LIMK1: variants seen among roughly 807,000 people sequenced by gnomAD.
The protein encoded by LIMK1 is LIM domain kinase 1, also known as LIM motif-containing protein kinase.
A neutral mutation model predicts 77.6 loss-of-function variants in LIMK1; 21 were observed. That is an observed-to-expected ratio of 0.27 (90% CI 0.19 to 0.39). The LOEUF (loss-of-function observed/expected upper bound fraction) is 0.39. Ranked by LOEUF, LIMK1 falls within the 10% of genes least tolerant of loss-of-function variation. LIMK1 has a pLI of 1.00. For synonymous variants in LIMK1, 358 were observed against 370.0 expected (o/e 0.97, Z 0.37); for missense variants, 696 against 901.6 (o/e 0.77, Z 2.92).
rs149618 is a variant in LIMK1, at chr7:74,115,716, A to C, written c.1411-86A>C. The C allele has an allele frequency of 1.6e-5, 23 of 1,459,566 alleles. No individual in the cohort carries two copies. The African/African-American group carries it at 2.6e-4, about 17-fold the overall frequency. The allele number at this position is 1,459,566 out of a possible 1,614,324, so 90.4% of individuals were successfully genotyped here. On this transcript the variant is annotated intron_variant, in intron 12 of 15. Coordinates refer to ENST00000336180, the MANE Select transcript of LIMK1 (RefSeq NM_002314.4). Reference sequence around the variant, plus strand: ...GAGGTATGTTCTCTGGGCTGTCTACAGGTTGGCTTGGGGTCCTGGGGAGGG... The same window carrying C: ...GAGGTATGTTCTCTGGGCTGTCTACCGGTTGGCTTGGGGTCCTGGGGAGGG...
At chr7:74,087,836 C>T (rs900534412) in intron 2 of LIMK1, among the ~76,000 whole-genome samples, 8 of 152,208 alleles carry the variant, frequency 5.3e-5, no homozygotes, top group African/African-American at 1.4e-4. Flanking sequence ...GTGATCTGCC[C>T]GCCTCAGCCT....
chr7:74,112,259 A>G (rs910022858), intron 12 of LIMK1, among the ~76,000 whole-genome samples: 20 of 152,120 alleles, frequency 1.3e-4, no homozygotes, highest in Admixed American at 1.3e-3. Context: ...TCATAAATCA[A>G]TGAAGGAGAA....
intron 5 of LIMK1, among the ~76,000 whole-genome samples, chr7:74,103,224 C>G (rs1426866235): frequency 2.0e-5 from 3 of 150,780 alleles, no homozygotes; most frequent in Admixed American, 6.6e-5. Context: ...GTGTACAGGC[C>G]AGTCATTAAA....
rs1554700589 is a variant in LIMK1 at position 74,121,293 on chromosome 7, C to T, written c.1936C>T (p.Pro646Ser). Residue 646 changes from proline to serine, a missense_variant, in exon 16 of 16, where the codon CCC becomes TCC. Around this residue, in one of 3 missense-constraint regions of LIMK1, gnomAD observed 438 missense variants for 602.3 expected, o/e 0.73. Transcript: ENST00000336180. ...CGGACTGCCTGCCCACCCTGAGGTCCCCGACTGAGCCAGGGCCACTCAGCT... is the reference window on the plus strand; with the variant it reads ...CGGACTGCCTGCCCACCCTGAGGTCTCCGACTGAGCCAGGGCCACTCAGCT... ...ESGLPAHPEV[P>S]D The T allele has an allele frequency of 1.3e-6, 2 of 1,596,126 alleles. No homozygotes were observed. The highest frequency in any genetic ancestry group is 2.3e-5 in the East Asian group (1 of 44,212).
At chr7:74,103,249 CTTTTTTTT>C (rs1233300842) in intron 5 of LIMK1, among the ~76,000 whole-genome samples, 1 of 135,382 alleles carries the variant, frequency 7.4e-6, no homozygotes, top group African/African-American at 2.7e-5. Flanking sequence ...AATGTTTTTC[CTTTTTTTT>C]TTTTTTTTTT....
Position 74,106,211 on chromosome 7 carries a change from G to A in LIMK1, c.849G>A (p.Glu283=). 6.2e-7 allele frequency: 1 copy of A among 1,613,672 alleles called. No homozygotes were observed. The highest frequency in any genetic ancestry group is 8.5e-7 in the Non-Finnish European group (1 of 1,179,984). Residue 283 remains glutamate, a synonymous_variant, in exon 7 of 16, where the codon GAG becomes GAA. Transcript: ENST00000336180. ...CTCCGGCTTATACTCCCAGCGGGGAGGCGGGCAGCTCTGCCCGGCAGAAAC... is the reference window on the plus strand; with the variant it reads ...CTCCGGCTTATACTCCCAGCGGGGAAGCGGGCAGCTCTGCCCGGCAGAAAC... ...LSSPAYTPSG[E]AGSSARQKPV...
At chr7:74,106,544 T>G (rs1554697538) in intron 7 of LIMK1, among the ~76,000 whole-genome samples, 2 of 152,210 alleles carry the variant, frequency 1.3e-5, no homozygotes, top group Non-Finnish European at 2.9e-5. Flanking sequence ...GTGGATCACC[T>G]GAGGTCAGGA....
In LIMK1 at chr7:74,093,116, G is replaced by C. The variant is rs961651578; in HGVS notation, c.153-3506G>C. 1.2e-5 allele frequency: 17 copies of C among 1,427,940 alleles called. No homozygotes were observed. The South Asian group carries it at 1.8e-4, about 15-fold the overall frequency. The allele number at this position is 1,427,940 out of a possible 1,614,324, so 88.5% of individuals were successfully genotyped here. On this transcript the variant is annotated intron_variant, in intron 2 of 15. Transcript: ENST00000336180. Reference sequence around the variant, plus strand: ...ACCCACGCGGCTGCAGCCTCCTCCTGTGCGCTGCAGCCACGCTGGCCCCAC... The same window carrying C: ...ACCCACGCGGCTGCAGCCTCCTCCTCTGCGCTGCAGCCACGCTGGCCCCAC...
intron 2 of LIMK1, among the ~76,000 whole-genome samples, chr7:74,090,987 T>C (rs1242886392): frequency 6.6e-6 from 1 of 152,078 alleles, no homozygotes; most frequent in African/African-American, 2.4e-5. Flanking sequence ...AATCTCGGCT[T>C]ACTGCAAGCT....
At chr7:74,085,721 C>G (rs1554693948) in intron 1 of LIMK1, 27 bp from the exon 2 acceptor site, 1 of 1,541,780 alleles carries the variant, frequency 6.5e-7, no homozygotes, top group Non-Finnish European at 8.8e-7. Context: ...CCTGAGAATG[C>G]TTCCCAACTC....
Position 74,120,988 on chromosome 7 carries a change from A to G in LIMK1, c.1720A>G (p.Asn574Asp), listed in dbSNP as rs782676279. The change falls in exon 15 of 16, where the codon AAC (asparagine) becomes GAC (aspartate). Residue 574 changes from asparagine to aspartate, a missense_variant. By Grantham distance (23) the Asn-to-Asp change is conservative. This residue lies in a region of LIMK1 where 438 missense variants were observed against 602.3 expected (regional missense o/e 0.73). Transcript: ENST00000336180. ...RGFLDRYCPP[N>D]CPPSFFPITV... is the part of the protein sequence containing the mutation. ...ATTCCTGGACCGCTACTGCCCCCCA[A>G]ACTGCCCCCCGAGCTTCTTCCCCAT... 5 of 1,425,102 alleles carry G rather than the reference A, an allele frequency of 3.5e-6. No homozygotes were observed. The highest frequency in any genetic ancestry group is 1.9e-6 in the Non-Finnish European group (2 of 1,063,112). 88.3% of individuals were successfully genotyped at this position (1,425,102 alleles called of 1,614,324 possible). A position where few individuals can be genotyped will look rare whatever the true frequency, so the allele number is the denominator to read the frequency against.
chr7:74,111,800 G>A lies in LIMK1; in HGVS notation c.1344+93G>A, dbSNP rs1799704591. The A allele has an allele frequency of 2.6e-5, 37 of 1,441,226 alleles. No homozygotes were observed. The South Asian group carries it at 4.2e-4, about 16-fold the overall frequency. 89.3% of individuals were successfully genotyped at this position (1,441,226 alleles called of 1,614,324 possible). A position where few individuals can be genotyped will look rare whatever the true frequency, so the allele number is the denominator to read the frequency against. Reference sequence around the variant, plus strand: ...GAAGCTTTGAAAGAGGGCAGAGGGGGTCGATGGGAGAGTGGGAAGAATCGT... The same window carrying A: ...GAAGCTTTGAAAGAGGGCAGAGGGGATCGATGGGAGAGTGGGAAGAATCGT... On this transcript the variant is annotated intron_variant, in intron 11 of 15. Transcript: ENST00000336180.
At chr7:74,100,822 G>A (rs1329883530) in intron 5 of LIMK1, among the ~76,000 whole-genome samples, 1 of 149,768 alleles carries the variant, frequency 6.7e-6, no homozygotes, top group African/African-American at 2.5e-5. Context: ...TGCAAGCCCC[G>A]CCTCCTGGGT....
At chr7:74,094,101 C>T (rs1414715325) in intron 2 of LIMK1, 3 of 152,392 alleles carry the variant, frequency 2.0e-5, no homozygotes, top group Admixed American at 1.3e-4. Context: ...GCGGGGGCCT[C>T]GCCGGCAGGA....
chr7:74,087,660 C>T (rs1799158389), intron 2 of LIMK1, among the ~76,000 whole-genome samples: 2 of 151,430 alleles, frequency 1.3e-5, no homozygotes, highest in South Asian at 4.2e-4. Flanking sequence ...CGCGATCCCT[C>T]CTCACTGCAA....
At position 74,105,930 on chromosome 7, in the gene LIMK1, C is replaced by T. The variant is rs781913408; in HGVS notation, c.664C>T (p.Arg222Trp). 9.3e-6 allele frequency: 15 copies of T among 1,613,926 alleles called. No individual in the cohort carries two copies. Among genetic ancestry groups the T allele is most frequent in the Admixed American group, 6.7e-5 (4 of 59,962 alleles). ...GAAGAATTCCATCCACGTCGGAGAC[C>T]GGATCTTGGAAATCAATGGCACGCC... ...DVKNSIHVGDRILEINGTPIR... is the reference protein window; with the variant it reads ...DVKNSIHVGDWILEINGTPIR... Residue 222 changes from arginine to tryptophan, a missense_variant, in exon 6 of 16, where the codon CGG becomes TGG. Physicochemically the swap from Arg to Trp is moderately radical, Grantham distance 101. Around this residue, in one of 3 missense-constraint regions of LIMK1, gnomAD observed 6 missense variants for 19.9 expected, o/e 0.30. Coordinates refer to ENST00000336180, the MANE Select transcript of LIMK1 (RefSeq NM_002314.4).
rs148902296 is a variant in LIMK1, at chr7:74,099,929, G to A, written c.608+691G>A. Among the ~76,000 whole-genome samples the A allele has an allele frequency of 1.6e-3, 241 of 151,056 alleles. 1 individual carries two copies. Among genetic ancestry groups the A allele is most frequent in the African/African-American group, 5.6e-3 (232 of 41,078 alleles). The stretch of plus-strand genomic sequence containing the variant: ...AAGGCCAGAAGTTTGAGACCAGCTT[G>A]GGCAACATAGCGAGACCTGCATGTC... On this transcript the variant is annotated intron_variant, in intron 5 of 15. Coordinates refer to ENST00000336180, the MANE Select transcript of LIMK1 (RefSeq NM_002314.4).
At chr7:74,094,705 C>G (rs561144759) in intron 2 of LIMK1, among the ~76,000 whole-genome samples, 1 of 152,234 alleles carries the variant, frequency 6.6e-6, no homozygotes, top group South Asian at 2.1e-4. Flanking sequence ...GCCCTGTAGA[C>G]CACCCCCCTC....
chr7:74,102,891 G>C (rs1211970745), intron 5 of LIMK1, among the ~76,000 whole-genome samples: 1 of 143,764 alleles, frequency 7.0e-6, no homozygotes, highest in Admixed American at 7.0e-5. Flanking sequence ...TTTTTGAGAC[G>C]GAATTTTGCT....
Sources: allele counts gnomAD v4.1 joint callset (sites outside exome capture counted in the v4.1 genomes callset), GRCh38; gene constraint gnomAD v4.1.1; regional missense constraint gnomAD v4.1.1; transcripts MANE v1.5; gene names NCBI Gene and HGNC (gene_info 2026-07-23, HGNC 2026-07-21).